Variants in NFKB1 observed in about 807,000 individuals in gnomAD.
The protein encoded by NFKB1 is nuclear factor kappa B subunit 1, also known as nuclear factor NF-kappa-B p105 subunit.
NFKB1 carries 9 observed loss-of-function variants against 105.1 expected under a neutral mutation model. The observed-to-expected ratio is 0.09, with a 90% CI of 0.05 to 0.15. NFKB1 has a LOEUF of 0.15. Among genes scored for constraint, NFKB1 ranks in the 10% least tolerant of loss-of-function variants. NFKB1 has a pLI of 1.00. For missense variants in NFKB1, 830 were observed against 1,203.7 expected, an observed-to-expected ratio of 0.69 and a Z score of 4.59; for synonymous variants, 440 against 442.2, an observed-to-expected ratio of 1.00 and a Z score of 0.06.
At position 102,584,669 on chromosome 4, in the gene NFKB1, T is replaced by A. The variant is rs369393341; in HGVS notation, c.928-13T>A. On this transcript the variant is annotated splice_polypyrimidine_tract_variant and intron_variant, in intron 10 of 23. Transcript: ENST00000226574. ...TAGTCCTACACCAACATGTGGTTCT[T>A]CGTATCCTGCAGTTTGCCATTGTCT... 3.6e-5 allele frequency: 57 copies of A among 1,580,478 alleles called. No individual in the cohort carries two copies. Among genetic ancestry groups the A allele is most frequent in the Non-Finnish European group, 4.7e-5 (55 of 1,168,290 alleles).
At chr4:102,613,845 A>G (rs1316543681) in intron 23 of NFKB1, among the ~76,000 whole-genome samples, 4 of 152,186 alleles carry the variant, frequency 2.6e-5, no homozygotes, top group Non-Finnish European at 4.4e-5. Flanking sequence ...AAACAACATG[A>G]TGTGGGTGAT....
intron 2 of NFKB1, 91 bp from the exon 3 acceptor site, chr4:102,529,745 C>T (rs1560645457): frequency 5.5e-6 from 5 of 902,596 alleles, no homozygotes; most frequent in African/African-American, 3.4e-5. Context: ...AGTTTCATTC[C>T]TATTATTACA....
At chr4:102,583,844 A>G (rs1725505055) in intron 10 of NFKB1, among the ~76,000 whole-genome samples, 1 of 151,884 alleles carries the variant, frequency 6.6e-6, no homozygotes, top group South Asian at 2.1e-4. Context: ...GTAAGTGGCC[A>G]GTTAAATTAT....
chr4:102,586,328 A>G (rs982662569), intron 11 of NFKB1, among the ~76,000 whole-genome samples: 1 of 152,136 alleles, frequency 6.6e-6, no homozygotes, highest in Non-Finnish European at 1.5e-5. Flanking sequence ...GACTTGATGA[A>G]AGGAACAAGG....
At chr4:102,573,729 A>T (rs973528653) in intron 6 of NFKB1, among the ~76,000 whole-genome samples, 2 of 152,040 alleles carry the variant, frequency 1.3e-5, no homozygotes, top group Non-Finnish European at 2.9e-5. Context: ...TTTTTAAAAA[A>T]TCTTTTTTTT....
At chr4:102,587,003 G>C (rs966419107) in intron 11 of NFKB1, among the ~76,000 whole-genome samples, 1 of 152,352 alleles carries the variant, frequency 6.6e-6, no homozygotes, top group South Asian at 2.1e-4. Context: ...TGTTTGGTCA[G>C]ATTTGTAGTG....
Position 102,575,289 on chromosome 4 carries a change from TTCTGTCTCTGGGCCTCTGG to T in NFKB1, c.408-1585_408-1567del, listed in dbSNP as rs544067747. On this transcript the variant is annotated intron_variant, in intron 6 of 23. Coordinates refer to ENST00000226574, the MANE Select transcript of NFKB1 (RefSeq NM_003998.4). ...TTCATCTGCCTGGACACGTGACTTA[TTCTGTCTCTGGGCCTCTGG>T]TATGAGTGCTCATTTCATTCTGCCT... Among the ~76,000 whole-genome samples, 21 of 152,328 alleles carry T rather than the reference TTCTGTCTCTGGGCCTCTGG, an allele frequency of 1.4e-4. No individual in the cohort carries two copies. The South Asian group carries it at 4.1e-3, about 30-fold the overall frequency.
chr4:102,593,280 G>A, intron 11 of NFKB1, 145 bp from the exon 12 acceptor site: 1 of 799,928 alleles, frequency 1.3e-6, no homozygotes, highest in Non-Finnish European at 2.0e-6. Context: ...AACGCTTCTT[G>A]AAATTTACCA....
In NFKB1 at chr4:102,551,347, GGTGTGT is replaced by G. The variant is rs199492662; in HGVS notation, c.258+13407_258+13412del. On this transcript the variant is annotated intron_variant, in intron 5 of 23. Coordinates refer to ENST00000226574, the MANE Select transcript of NFKB1 (RefSeq NM_003998.4). ...CCCTCTTCAAAGGATATTCTAAATT[GGTGTGT>G]GTGTGTGTGTGTGTGCGCGCGCGCA... Among the ~76,000 whole-genome samples, 358 of 139,104 alleles carry G rather than the reference GGTGTGT, an allele frequency of 2.6e-3. 1 individual carries two copies. The highest frequency in any genetic ancestry group is 0.011 in the African/African-American group (350 of 33,284). 91.3% of individuals were successfully genotyped at this position (139,104 alleles called of 152,430 possible).
At chr4:102,524,153 C>A (rs150979282) in intron 1 of NFKB1, among the ~76,000 whole-genome samples, 2 of 151,732 alleles carry the variant, frequency 1.3e-5, no homozygotes, top group Non-Finnish European at 2.9e-5. Flanking sequence ...ATAAAATTAA[C>A]CTTTATTTGA....
Position 102,535,751 on chromosome 4 carries a change from T to A in NFKB1, c.159+1866T>A, listed in dbSNP as rs569183698. Among the ~76,000 whole-genome samples, 27 of 152,266 alleles carry A rather than the reference T, an allele frequency of 1.8e-4. No homozygotes were observed. The Middle Eastern group carries it at 0.01, about 58-fold the overall frequency. ...GGATTTAGATACTCGTATGTAACCA[T>A]GAAAAATATCTATTAAGTATTGTCT... is the stretch of plus-strand genomic sequence containing the variant. On this transcript the variant is annotated intron_variant, in intron 4 of 23. Transcript: ENST00000226574.
chr4:102,590,457 G>A (rs560617394), intron 11 of NFKB1, among the ~76,000 whole-genome samples: 10 of 152,160 alleles, frequency 6.6e-5, no homozygotes, highest in South Asian at 2.1e-4. Context: ...AAGTCTATTG[G>A]TGCCATTTTT....
chr4:102,506,795 T>C (rs1418537851), intron 1 of NFKB1, among the ~76,000 whole-genome samples: 1 of 152,058 alleles, frequency 6.6e-6, no homozygotes, highest in East Asian at 1.9e-4. Flanking sequence ...TGCCACTTAG[T>C]TCTGGTTCTG....
chr4:102,518,099 A>G (rs1740322847), intron 1 of NFKB1, among the ~76,000 whole-genome samples: 2 of 152,206 alleles, frequency 1.3e-5, no homozygotes, highest in Non-Finnish European at 2.9e-5. Context: ...AACAACATGA[A>G]GAAAATAATC....
intron 1 of NFKB1, among the ~76,000 whole-genome samples, chr4:102,520,633 G>A (rs1451709190): frequency 1.3e-5 from 2 of 152,048 alleles, no homozygotes; most frequent in African/African-American, 4.8e-5. Flanking sequence ...TCTAAATGTT[G>A]TAGTGCACCA....
intron 4 of NFKB1, among the ~76,000 whole-genome samples, chr4:102,537,248 A>G (rs1480814470): frequency 6.6e-6 from 1 of 152,198 alleles, no homozygotes; most frequent in African/African-American, 2.4e-5. Context: ...TCATTCTGGT[A>G]GGTTAATATT....
At position 102,612,476 on chromosome 4, in the gene NFKB1, A is replaced by G. The variant is rs764011794; in HGVS notation, c.2462A>G (p.Tyr821Cys). The G allele has an allele frequency of 4.8e-5, 77 of 1,613,706 alleles. No homozygotes were observed. The highest frequency in any genetic ancestry group is 1.1e-4 in the East Asian group (5 of 44,892). The change falls in exon 22 of 24, where the codon TAT (tyrosine) becomes TGT (cysteine). Residue 821 changes from tyrosine (Y) to cysteine (C), a missense_variant. Physicochemically the swap from Tyr to Cys is radical, Grantham distance 194. Coordinates refer to ENST00000226574, the MANE Select transcript of NFKB1 (RefSeq NM_003998.4). Reference sequence around the variant, plus strand: ...GCTGAAGATGTGAAGCTGCAGCTGTATAAGTTACTAGAAATTCCTGATCCA... The same window carrying G: ...GCTGAAGATGTGAAGCTGCAGCTGTGTAAGTTACTAGAAATTCCTGATCCA... ...QLAEDVKLQL[Y>C]KLLEIPDPDK...
In NFKB1 at chr4:102,551,355, T is replaced by A. The variant is rs568361960; in HGVS notation, c.258+13399T>A. Among the ~76,000 whole-genome samples, 4 of 77,464 alleles carry A rather than the reference T, an allele frequency of 5.2e-5. No homozygotes were observed. In the South Asian group the frequency reaches 1.9e-3, roughly 37 times the overall value. 50.8% of individuals were successfully genotyped at this position (77,464 alleles called of 152,430 possible). A position where few individuals can be genotyped will look rare whatever the true frequency, so the allele number is the denominator to read the frequency against. On this transcript the variant is annotated intron_variant, in intron 5 of 23. Coordinates refer to ENST00000226574, the MANE Select transcript of NFKB1 (RefSeq NM_003998.4). ...AAAGGATATTCTAAATTGGTGTGTG[T>A]GTGTGTGTGTGTGCGCGCGCGCATG...
At chr4:102,508,275 G>A (rs1578699446) in intron 1 of NFKB1, among the ~76,000 whole-genome samples, 1 of 152,132 alleles carries the variant, frequency 6.6e-6, no homozygotes, top group Admixed American at 6.6e-5. Flanking sequence ...ACAATTTATA[G>A]CATCTGCATA....
Sources: allele counts gnomAD v4.1 joint callset (sites outside exome capture counted in the v4.1 genomes callset), GRCh38; gene constraint gnomAD v4.1.1; transcripts MANE v1.5; gene names NCBI Gene and HGNC (gene_info 2026-07-23, HGNC 2026-07-21).